DCT: variants seen among roughly 807,000 people sequenced by gnomAD.
DCT encodes dopachrome tautomerase, also known as L-dopachrome tautomerase.
Under a neutral mutation model 53.0 loss-of-function variants are expected in DCT, and 47 were observed. The ratio of observed to expected loss-of-function variants is 0.89; its 90% confidence interval spans 0.70 to 1.13. The LOEUF is 1.13. Among genes scored for constraint, DCT ranks in the 50% most tolerant of loss-of-function variants. DCT has a pLI of 0.00. For missense variants in DCT, 669 were observed against 637.4 expected (o/e 1.05, Z -0.53); for synonymous variants, 244 against 237.0 (o/e 1.03, Z -0.27).
At chr13:94,475,610 A>G (rs1250994677) in intron 1 of DCT, among the ~76,000 whole-genome samples, 1 of 152,220 alleles carries the variant, frequency 6.6e-6, no homozygotes, top group Admixed American at 6.5e-5. Context: ...TAGTGCCTAT[A>G]GTTAACAATA....
Position 94,443,533 on chromosome 13 carries a change from C to T in DCT, c.1284G>A (p.Arg428=). 3 of 1,613,970 alleles carry T rather than the reference C, an allele frequency of 1.9e-6. No homozygotes were observed. Among genetic ancestry groups the T allele is most frequent in the South Asian group, 1.1e-5 (1 of 91,074 alleles). ...GGAAGAAAGGAACCATGTTGTACAT[C>T]CGATTGTGACCAATAGGGGCCAGCT... is the stretch of plus-strand genomic sequence containing the variant. ...PQELAPIGHN[R]MYNMVPFFPP... is the part of the protein sequence containing the mutation. Residue 428 remains arginine (R), a synonymous_variant, in exon 7 of 8, where the codon CGG becomes CGA. Transcript: ENST00000377028.
chr13:94,516,866 A>G, the DCT span, among the ~76,000 whole-genome samples: 2 of 152,164 alleles, frequency 1.3e-5, no homozygotes, highest in East Asian at 3.9e-4. Context: ...TTTCTTTATA[A>G]ATTACCCAGT....
At chr13:94,502,324 T>C in the DCT span, among the ~76,000 whole-genome samples, 1 of 152,092 alleles carries the variant, frequency 6.6e-6, no homozygotes, top group South Asian at 2.1e-4. Flanking sequence ...TTTTGCCCCT[T>C]TCTCTCACCA....
chr13:94,443,200 A>C lies in DCT; in HGVS notation c.1381+236T>G, dbSNP rs569740826. Among the ~76,000 whole-genome samples, 48 of 152,336 alleles carry C rather than the reference A, an allele frequency of 3.2e-4. No homozygotes were observed. In the South Asian group the frequency reaches 6.4e-3, roughly 20 times the overall value. ...ATAGTTCATTTAATAAGATCTATTT[A>C]AAACTTTCAGTTTTCTAAAACAAGA... On this transcript the variant is annotated intron_variant, in intron 7 of 7. Transcript: ENST00000377028.
chr13:94,541,868 G>C, the DCT span, among the ~76,000 whole-genome samples: 80 of 152,286 alleles, frequency 5.3e-4, no homozygotes, highest in African/African-American at 1.7e-3. Flanking sequence ...TGGAGGGAAG[G>C]GGCTCTGTGC....
chr13:94,544,034 C>CAA, the DCT span, among the ~76,000 whole-genome samples: 552 of 122,060 alleles, frequency 4.5e-3, 2 homozygotes, highest in African/African-American at 0.018. Flanking sequence ...GACTCTGTCT[C>CAA]AAAAAAAAAA....
chr13:94,462,646 T>C (rs951554414), intron 4 of DCT, among the ~76,000 whole-genome samples: 11 of 152,132 alleles, frequency 7.2e-5, no homozygotes, highest in Non-Finnish European at 1.3e-4. Flanking sequence ...CAATATGTGG[T>C]AAAAAGTACT....
the DCT span, among the ~76,000 whole-genome samples, chr13:94,527,212 C>T: frequency 2.0e-4 from 30 of 152,192 alleles, no homozygotes; most frequent in Non-Finnish European, 3.5e-4. Context: ...CATAGTAGAA[C>T]AAAAGGCAGC....
At chr13:94,525,213 G>T in the DCT span, among the ~76,000 whole-genome samples, 3 of 152,010 alleles carry the variant, frequency 2.0e-5, no homozygotes, top group Non-Finnish European at 2.9e-5. Context: ...TGATTCTTCT[G>T]CTTCAGCCTC....
the DCT span, among the ~76,000 whole-genome samples, chr13:94,487,962 A>AT: frequency 8.0e-5 from 12 of 149,120 alleles, no homozygotes; most frequent in African/African-American, 2.5e-4. Context: ...AGTTGAGTGC[A>AT]TTTTTTTCAT....
chr13:94,531,687 C>T, the DCT span, among the ~76,000 whole-genome samples: 1 of 152,048 alleles, frequency 6.6e-6, no homozygotes, highest in Admixed American at 6.6e-5. Context: ...CCACAAAAAC[C>T]CTAGAAGAAA....
At chr13:94,548,860 C>T in the DCT span, among the ~76,000 whole-genome samples, 14 of 152,294 alleles carry the variant, frequency 9.2e-5, no homozygotes, top group Admixed American at 3.3e-4. Flanking sequence ...CAGAAAGGAA[C>T]GTCTAGACCC....
intron 2 of DCT, chr13:94,467,517 TCA>T (rs1031731503): frequency 1.4e-4 from 22 of 152,146 alleles, no homozygotes; most frequent in African/African-American, 5.3e-4. Context: ...CAATAATTCC[TCA>T]GAGTGATAAC....
the DCT span, among the ~76,000 whole-genome samples, chr13:94,500,233 G>A: frequency 4.8e-4 from 73 of 152,236 alleles, no homozygotes; most frequent in African/African-American, 1.7e-3. Flanking sequence ...AGACATAGCC[G>A]AGACTGGGTA....
rs1882140674 is a variant in DCT at position 94,439,719 on chromosome 13, ACAAG to A, written c.*175_*178del. 2.2e-6 allele frequency: 1 copy of A among 461,146 alleles called. No individual in the cohort carries two copies. The allele number at this position is 461,146 out of a possible 1,614,324, so 28.6% of individuals were successfully genotyped here. On this transcript the variant is annotated 3_prime_UTR_variant, in exon 8 of 8. Coordinates refer to ENST00000377028, the MANE Select transcript of DCT (RefSeq NM_001922.5). ...CAAGCACTTTAGTTGGGTTTGTTAAACAAGCAAGCAAAGCGGAAACTACAGCTAA... is the reference window on the plus strand; with the variant it reads ...CAAGCACTTTAGTTGGGTTTGTTAAACAAGCAAAGCGGAAACTACAGCTAA...
intron 7 of DCT, among the ~76,000 whole-genome samples, chr13:94,441,992 C>A (rs533990273): frequency 4.2e-4 from 64 of 152,242 alleles, no homozygotes; most frequent in African/African-American, 1.5e-3. Context: ...TTTCTCTACA[C>A]CCTCAGCAAC....
chr13:94,460,363 C>A (rs1035641669), intron 5 of DCT, 137 bp from the exon 6 acceptor site: 2 of 728,818 alleles, frequency 2.7e-6, no homozygotes, highest in East Asian at 2.7e-5. Flanking sequence ...GCAAATTGAC[C>A]AAGAATTTGC....
intron 1 of DCT, among the ~76,000 whole-genome samples, chr13:94,473,285 T>C (rs1884871726): frequency 6.6e-6 from 1 of 152,214 alleles, no homozygotes; most frequent in Non-Finnish European, 1.5e-5. Flanking sequence ...TTACATGAGA[T>C]ATTCAATACC....
chr13:94,511,652 A>G, the DCT span, among the ~76,000 whole-genome samples: 1 of 151,958 alleles, frequency 6.6e-6, no homozygotes, highest in African/African-American at 2.4e-5. Flanking sequence ...GAGCCACCGC[A>G]TCCGGCCTCA....
Sources: gnomAD v4.1 joint callset for allele counts (sites outside exome capture counted in the v4.1 genomes callset) on GRCh38, gnomAD v4.1.1 for gene constraint, MANE v1.5 for transcripts, NCBI Gene and HGNC (gene_info 2026-07-23, HGNC 2026-07-21) for gene names.